Variants in ASTN1 observed in about 807,000 individuals in gnomAD.
ASTN1 encodes the protein astrotactin 1, also known as astrotactin-1.
In ASTN1, 41 loss-of-function variants were observed where a neutral mutation model predicts 140.7. That is an observed-to-expected ratio of 0.29 (90% CI 0.23 to 0.38). The LOEUF is 0.38. Ranked by LOEUF, ASTN1 falls within the 10% of genes least tolerant of loss-of-function variation. The pLI is 1.00. For missense variants in ASTN1, 1,479 were observed against 1,678.8 expected (o/e 0.88, Z 2.08); for synonymous variants, 640 against 652.2 (o/e 0.98, Z 0.29).
rs755000344 is a variant in ASTN1 at position 176,986,625 on chromosome 1, G to A, written c.1524-21388C>T. Among the ~76,000 whole-genome samples, 8 of 151,734 alleles carry A rather than the reference G, an allele frequency of 5.3e-5. 1 individual carries two copies. The highest frequency in any genetic ancestry group is 1.9e-4 in the East Asian group (1 of 5,166). ...TTCTTGTCACTCAGTATAGTCTCAC[G>A]GTTAAGCATGTGAATTCAGGAGCCA... On this transcript the variant is annotated intron_variant, in intron 8 of 22. Transcript: ENST00000361833.
At chr1:177,077,923 T>C (rs1481532699) in intron 1 of ASTN1, among the ~76,000 whole-genome samples, 1 of 152,016 alleles carries the variant, frequency 6.6e-6, no homozygotes, top group African/African-American at 2.4e-5. Flanking sequence ...TTCTCACTCG[T>C]AGGAATGTGA....
At chr1:177,136,875 A>C (rs543533848) in intron 1 of ASTN1, among the ~76,000 whole-genome samples, 15 of 152,324 alleles carry the variant, frequency 9.8e-5, no homozygotes, top group African/African-American at 2.6e-4. Context: ...TGCTTTAAAG[A>C]AATTAAAAAT....
chr1:176,862,933 G>C lies in ASTN1; in HGVS notation c.*1351C>G. On this transcript the variant is annotated 3_prime_UTR_variant, in exon 23 of 23. Transcript: ENST00000361833. ...TCCAGATGAGGAGCCCTGGTCAAAG[G>C]CATGGTGGCTGAAGGTGTGTGTTCA... 1.0e-6 allele frequency: 1 copy of C among 985,462 alleles called. No homozygotes were observed. The highest frequency in any genetic ancestry group is 6.1e-5 in the Admixed American group (1 of 16,292). 61.0% of individuals were successfully genotyped at this position (985,462 alleles called of 1,614,324 possible). A position where few individuals can be genotyped will look rare whatever the true frequency, so the allele number is the denominator to read the frequency against.
intron 2 of ASTN1, among the ~76,000 whole-genome samples, chr1:177,056,845 A>G (rs977988466): frequency 5.9e-5 from 9 of 152,168 alleles, no homozygotes; most frequent in Non-Finnish European, 8.8e-5. Context: ...ATCTGACATG[A>G]AGTCATATTG....
intron 1 of ASTN1, among the ~76,000 whole-genome samples, chr1:177,118,984 C>T (rs1292118321): frequency 6.6e-6 from 1 of 152,154 alleles, no homozygotes; most frequent in African/African-American, 2.4e-5. Context: ...TTCCCTTCTT[C>T]TTACATTTTC....
intron 8 of ASTN1, among the ~76,000 whole-genome samples, chr1:176,996,132 G>A (rs12122503): frequency 0.06 from 9,198 of 152,118 alleles, 384 homozygotes; most frequent in Non-Finnish European, 0.088. Context: ...CTAAGTAATG[G>A]CTTTGTTAAA....
intron 16 of ASTN1, among the ~76,000 whole-genome samples, chr1:176,901,081 T>A (rs1450230421): frequency 6.6e-6 from 1 of 152,192 alleles, no homozygotes; most frequent in Non-Finnish European, 1.5e-5. Context: ...TGGGTTTAAA[T>A]TCGTCTGGGG....
In ASTN1 at chr1:176,946,022, A is replaced by C; in HGVS notation, c.2153T>G (p.Leu718Arg). 3.1e-6 allele frequency: 5 copies of C among 1,614,118 alleles called. No homozygotes were observed. Among genetic ancestry groups the C allele is most frequent in the Non-Finnish European group, 4.2e-6 (5 of 1,179,976 alleles). ...EGSDCGESRE[L>R]PMNQTLFGEM... ...CCCAAAGAGGGTCTGGTTCATGGGA[A>C]GCTCCCTGCTTTCCCCACAGTCACT... The change falls in exon 13 of 23, where the codon CTT becomes CGT. Residue 718 changes from leucine to arginine, a missense_variant. This residue lies in a region of ASTN1 where 746 missense variants were observed against 800.9 expected (regional missense o/e 0.93). Coordinates refer to ENST00000361833, the MANE Select transcript of ASTN1 (RefSeq NM_004319.3).
At chr1:177,104,591 A>G (rs6425412) in intron 1 of ASTN1, among the ~76,000 whole-genome samples, 13,347 of 152,244 alleles carry the variant, frequency 0.088, 778 homozygotes, top group African/African-American at 0.17. Flanking sequence ...GCATCAATAA[A>G]TAATTTCAAT....
chr1:176,927,922 A>G (rs919305536), intron 16 of ASTN1, among the ~76,000 whole-genome samples: 1 of 152,140 alleles, frequency 6.6e-6, no homozygotes, highest in Non-Finnish European at 1.5e-5. Flanking sequence ...TTTCAGTCCA[A>G]AAAATAAAAG....
chr1:177,023,478 C>T lies in ASTN1; in HGVS notation c.1364G>A (p.Ser455Asn). Reference protein sequence around the residue: ...QVVLFSQQNSSGPWAMDLCAR... With the variant: ...QVVLFSQQNSNGPWAMDLCAR... The stretch of plus-strand genomic sequence containing the variant: ...ACAGAGGTCCATGGCCCAGGGTCCG[C>T]TGGAGTTCTGCTGAGAGAAGAGAAC... The change falls in exon 7 of 23, where the codon AGC (serine) becomes AAC (asparagine). Residue 455 changes from serine to asparagine, a missense_variant. Coordinates refer to ENST00000361833, the MANE Select transcript of ASTN1 (RefSeq NM_004319.3). The T allele has an allele frequency of 6.2e-7, 1 of 1,612,602 alleles. No individual in the cohort carries two copies. Among genetic ancestry groups the T allele is most frequent in the African/African-American group, 1.3e-5 (1 of 74,938 alleles).
intron 16 of ASTN1, among the ~76,000 whole-genome samples, chr1:176,901,975 T>G (rs2103048079): frequency 6.6e-6 from 1 of 152,334 alleles, no homozygotes; most frequent in South Asian, 2.1e-4. Context: ...TGTTCTTTGG[T>G]AATTGTTCAA....
chr1:177,018,111 A>C (rs1392920432), intron 7 of ASTN1, among the ~76,000 whole-genome samples: 1 of 149,222 alleles, frequency 6.7e-6, no homozygotes, highest in East Asian at 1.9e-4. Context: ...GTATTATCTA[A>C]TTGTTTGATC....
intron 8 of ASTN1, among the ~76,000 whole-genome samples, chr1:177,007,509 G>A (rs979187015): frequency 3.1e-4 from 47 of 152,172 alleles, no homozygotes; most frequent in African/African-American, 9.9e-4. Context: ...TTCTCGAGGC[G>A]TCTGGAGACT....
intron 8 of ASTN1, among the ~76,000 whole-genome samples, chr1:176,997,992 G>T (rs1674536009): frequency 6.6e-6 from 1 of 152,186 alleles, no homozygotes; most frequent in Non-Finnish European, 1.5e-5. Context: ...AGAACAAGCA[G>T]TTCAATCGGG....
rs892301971 is a variant in ASTN1, at chr1:177,034,283, A to T, written c.472-1434T>A. Among the ~76,000 whole-genome samples, 9 of 135,980 alleles carry T rather than the reference A, an allele frequency of 6.6e-5. 1 individual carries two copies. The highest frequency in any genetic ancestry group is 5.2e-4 in the Admixed American group (7 of 13,430). 89.2% of individuals were successfully genotyped at this position (135,980 alleles called of 152,430 possible). ...CACACACACACACACACACACACAC[A>T]CTGCCACTTTCAAGCAGGCAGCACA... On this transcript the variant is annotated intron_variant, in intron 2 of 22. Coordinates refer to ENST00000361833, the MANE Select transcript of ASTN1 (RefSeq NM_004319.3).
chr1:177,112,607 T>C (rs1322169399), intron 1 of ASTN1, among the ~76,000 whole-genome samples: 1 of 152,162 alleles, frequency 6.6e-6, no homozygotes, highest in Non-Finnish European at 1.5e-5. Context: ...TAGATTTTGC[T>C]CCCTCCCAAA....
intron 1 of ASTN1, among the ~76,000 whole-genome samples, chr1:177,125,964 T>C (rs1214775299): frequency 6.6e-6 from 1 of 152,234 alleles, no homozygotes; most frequent in East Asian, 1.9e-4. Flanking sequence ...GCCCTTTATT[T>C]CTAATATTCC....
chr1:176,999,256 A>G (rs1432365651), intron 8 of ASTN1, among the ~76,000 whole-genome samples: 1 of 152,186 alleles, frequency 6.6e-6, no homozygotes, highest in African/African-American at 2.4e-5. Flanking sequence ...TAAAACAATA[A>G]AGAATCCAAA....
Sources: gnomAD v4.1 joint callset for allele counts (sites outside exome capture counted in the v4.1 genomes callset) on GRCh38, gnomAD v4.1.1 for gene constraint, gnomAD v4.1.1 regional missense constraint, MANE v1.5 for transcripts, NCBI Gene and HGNC (gene_info 2026-07-23, HGNC 2026-07-21) for gene names.